ZNF568: variants seen among roughly 807,000 people sequenced by gnomAD.
ZNF568 encodes the protein p53 inhibitor of SCO2 activation.
Under a neutral mutation model 18.1 loss-of-function variants are expected in ZNF568, and 11 were observed. The observed-to-expected ratio is 0.61, with a 90% CI of 0.38 to 1.00. The LOEUF (loss-of-function observed/expected upper bound fraction) is 1.00. ZNF568 is among the 50% of genes least tolerant of loss of function. The pLI is 0.01. For missense variants in ZNF568, 639 were observed against 768.2 expected (o/e 0.83, Z 1.99); for synonymous variants, 213 against 246.6 (o/e 0.86, Z 1.28).
chr19:36,981,268 C>T (rs1224418616), downstream of ZNF568, among the ~76,000 whole-genome samples: 1 of 152,186 alleles, frequency 6.6e-6, no homozygotes, highest in African/African-American at 2.4e-5. Flanking sequence ...CATGCCTCTA[C>T]TATGGTCCTG....
chr19:36,971,258 C>CT (rs1170369151), intron 6 of ZNF568, among the ~76,000 whole-genome samples: 1 of 132,118 alleles, frequency 7.6e-6, no homozygotes, highest in Non-Finnish European at 1.7e-5. Context: ...CTCTTAAACT[C>CT]TTTATGTTTT....
chr19:36,939,562 C>T (rs1360500035), intron 6 of ZNF568, among the ~76,000 whole-genome samples: 3 of 85,426 alleles, frequency 3.5e-5, no homozygotes, highest in African/African-American at 5.0e-5. Flanking sequence ...TTTTTTGAGA[C>T]GGAGTCTCAC....
chr19:36,925,164 C>G (rs984070312), intron 3 of ZNF568, 36 bp from the exon 4 acceptor site: 1 of 1,606,364 alleles, frequency 6.2e-7, no homozygotes, highest in Non-Finnish European at 8.5e-7. Context: ...TTGTCTGAAA[C>G]TTTGAAGCAA....
exon 5 of ZNF568, chr19:36,996,758 A>G (rs1191269657): frequency 1.9e-6 from 3 of 1,544,134 alleles, no homozygotes; most frequent in Non-Finnish European, 2.6e-6. Context: ...GGAATTACTC[A>G]ACCTCAGAGC....
At chr19:36,954,408 A>G (rs1348759263), downstream of ZNF568, among the ~76,000 whole-genome samples, 2 of 152,178 alleles carry the variant, frequency 1.3e-5, no homozygotes, top group Non-Finnish European at 2.9e-5. Flanking sequence ...GTATTTTTGA[A>G]GACTGATGGT....
At chr19:36,945,261 T>C (rs2073946137) in intron 6 of ZNF568, among the ~76,000 whole-genome samples, 1 of 146,312 alleles carries the variant, frequency 6.8e-6, no homozygotes, top group Admixed American at 6.8e-5. Flanking sequence ...GTATAAAATA[T>C]ATATTAAAAA....
chr19:36,983,140 A>G (rs2074345242), downstream of ZNF568, among the ~76,000 whole-genome samples: 1 of 152,214 alleles, frequency 6.6e-6, no homozygotes, highest in Non-Finnish European at 1.5e-5. Context: ...TCATCCATTT[A>G]TGTAACATCT....
Position 36,916,708 on chromosome 19 carries a change from T to A in ZNF568, c.-256+117T>A, listed in dbSNP as rs949992847. The A allele has an allele frequency of 6.6e-6, 1 of 152,670 alleles. No individual in the cohort carries two copies. Among genetic ancestry groups the A allele is most frequent in the Non-Finnish European group, 1.5e-5 (1 of 68,112 alleles). 9.5% of individuals were successfully genotyped at this position (152,670 alleles called of 1,614,324 possible). A position where few individuals can be genotyped will look rare whatever the true frequency, so the allele number is the denominator to read the frequency against. On this transcript the variant is annotated intron_variant, in intron 1 of 6. Coordinates refer to ENST00000333987, the MANE Select transcript of ZNF568 (RefSeq NM_198539.4). This position sits in a 1 kb window ranked among gnomAD's most constrained non-coding sequence, Gnocchi z 5.3. ...TGATGGGGTGATTGTGATATTTGGT[T>A]GCGCGGGATTATGATGAAATGTGTG...
downstream of ZNF568, among the ~76,000 whole-genome samples, chr19:36,955,330 T>G (rs1184986128): frequency 6.6e-6 from 1 of 151,840 alleles, no homozygotes; most frequent in African/African-American, 2.4e-5. Flanking sequence ...AGCTTTAGAG[T>G]CAACAGAGAA....
chr19:36,945,115 A>T (rs1040467996), intron 6 of ZNF568, among the ~76,000 whole-genome samples: 1 of 151,876 alleles, frequency 6.6e-6, no homozygotes, highest in African/African-American at 2.4e-5. Context: ...TCATGGTTTC[A>T]GTACATGTAA....
At chr19:36,949,015 A>G (rs1476734275) in intron 6 of ZNF568, among the ~76,000 whole-genome samples, 1 of 152,082 alleles carries the variant, frequency 6.6e-6, no homozygotes, top group Non-Finnish European at 1.5e-5. Context: ...CTGCAGTATT[A>G]TGTTAAAATC....
downstream of ZNF568, among the ~76,000 whole-genome samples, chr19:36,983,563 T>G (rs2074349291): frequency 6.6e-6 from 1 of 152,218 alleles, no homozygotes; most frequent in African/African-American, 2.4e-5. Flanking sequence ...TTATTTGAAT[T>G]GAGTGCATTG....
At chr19:36,919,258 TCC>T (rs1336064913) in intron 2 of ZNF568, among the ~76,000 whole-genome samples, 4 of 152,202 alleles carry the variant, frequency 2.6e-5, no homozygotes, top group African/African-American at 9.6e-5. Flanking sequence ...CAAAAATAAG[TCC>T]TTGTTTTCAT....
chr19:36,957,941 GT>G (rs748222110), intron 6 of ZNF568, among the ~76,000 whole-genome samples: 2 of 152,156 alleles, frequency 1.3e-5, no homozygotes, highest in African/African-American at 2.4e-5. Flanking sequence ...AGTTGAGGAA[GT>G]TCCCTTTATT....
intron 6 of ZNF568, among the ~76,000 whole-genome samples, chr19:36,958,877 T>C (rs1196900016): frequency 6.6e-6 from 1 of 152,148 alleles, no homozygotes; most frequent in African/African-American, 2.4e-5. Flanking sequence ...CTCCTCGGCC[T>C]CCCAAAGTGC....
intron 2 of ZNF568, among the ~76,000 whole-genome samples, chr19:36,990,339 G>T (rs1156493956): frequency 6.6e-6 from 1 of 152,190 alleles, no homozygotes; most frequent in Non-Finnish European, 1.5e-5. Flanking sequence ...AAATGACCAG[G>T]CACGGTGGCT....
chr19:36,974,661 G>C (rs1395495582), intron 7 of ZNF568, among the ~76,000 whole-genome samples: 1 of 152,094 alleles, frequency 6.6e-6, no homozygotes, highest in Non-Finnish European at 1.5e-5. Flanking sequence ...ATCTGATCTA[G>C]AATTTCCACT....
chr19:36,959,773 T>C (rs529802581), intron 6 of ZNF568, among the ~76,000 whole-genome samples: 1 of 152,274 alleles, frequency 6.6e-6, no homozygotes, highest in South Asian at 2.1e-4. Flanking sequence ...TTCCCTAGGT[T>C]TTCTAGTTTG....
intron 6 of ZNF568, among the ~76,000 whole-genome samples, chr19:36,972,229 T>C (rs1568402548): frequency 6.6e-6 from 1 of 152,170 alleles, no homozygotes; most frequent in African/African-American, 2.4e-5. Flanking sequence ...GTAGCACTTT[T>C]AGTAACACAA....
Sources: gnomAD v4.1 joint callset for allele counts (sites outside exome capture counted in the v4.1 genomes callset) on GRCh38, gnomAD v4.1.1 for gene constraint, Gnocchi (gnomAD v3.1) non-coding constraint, MANE v1.5 for transcripts, NCBI Gene and HGNC (gene_info 2026-07-23, HGNC 2026-07-21) for gene names.